DROSHA: variants seen among roughly 807,000 people sequenced by gnomAD.
The protein encoded by DROSHA is drosha ribonuclease III, also known as ribonuclease 3.
In DROSHA, 56 loss-of-function variants were observed where a neutral mutation model predicts 181.9. The observed-to-expected ratio is 0.31, with a 90% CI of 0.25 to 0.38. The LOEUF (loss-of-function observed/expected upper bound fraction) is 0.38. Ranked by LOEUF, DROSHA falls within the 10% of genes least tolerant of loss-of-function variation. DROSHA has a pLI of 1.00. For missense variants in DROSHA, 1,218 were observed against 1,743.5 expected (o/e 0.70, Z 5.37); for synonymous variants, 524 against 591.2 (o/e 0.89, Z 1.65).
At chr5:31,441,448 A>G (rs1187488695) in intron 23 of DROSHA, among the ~76,000 whole-genome samples, 1 of 152,150 alleles carries the variant, frequency 6.6e-6, no homozygotes, top group Non-Finnish European at 1.5e-5. Flanking sequence ...AACTTTTCTT[A>G]TTTTTACCAA....
At chr5:31,424,671 C>G (rs912013546) in intron 27 of DROSHA, among the ~76,000 whole-genome samples, 200 bp from the exon 28 acceptor site, 8 of 152,080 alleles carry the variant, frequency 5.3e-5, no homozygotes, top group Non-Finnish European at 8.8e-5. Flanking sequence ...TCTAATTAGC[C>G]TATTAAGCTA....
At chr5:31,486,351 A>C in intron 14 of DROSHA, 140 bp downstream of exon 14, 2 of 772,292 alleles carry the variant, frequency 2.6e-6, no homozygotes. Flanking sequence ...CATTTCACTG[A>C]CTCTTTCAAC....
chr5:31,436,797 CT>C, intron 24 of DROSHA, among the ~76,000 whole-genome samples: 1 of 126,542 alleles, frequency 7.9e-6, no homozygotes, highest in South Asian at 2.7e-4. Context: ...CACACACACA[CT>C]AGAAAATCTG....
At chr5:31,521,510 A>C (rs529108870) in intron 5 of DROSHA, among the ~76,000 whole-genome samples, 1 of 152,354 alleles carries the variant, frequency 6.6e-6, no homozygotes, top group South Asian at 2.1e-4. Context: ...CCTTGCAATC[A>C]GCCAATCCTT....
In DROSHA at chr5:31,526,340, T is replaced by A; in HGVS notation, c.593A>T (p.Asn198Ile). ...NPSSFLPSAN[N>I]SSSPHFRHLP... ...ATGTCTGAAATGAGGACTACTGCTG[T>A]TATTAGCACTGGGCAGGAAAGAACT... Residue 198 changes from asparagine to isoleucine, a missense_variant, in exon 5 of 36, where the codon AAC becomes ATC. Asn to Ile is a moderately radical substitution (Grantham distance 149). This residue lies in a region of DROSHA where 536 missense variants were observed against 535.4 expected (regional missense o/e 1.00). Coordinates refer to ENST00000344624, the MANE Select transcript of DROSHA (RefSeq NM_001382508.1). 6.2e-7 allele frequency: 1 copy of A among 1,613,798 alleles called. No individual in the cohort carries two copies. The highest frequency in any genetic ancestry group is 8.5e-7 in the Non-Finnish European group (1 of 1,179,838).
intron 35 of DROSHA, among the ~76,000 whole-genome samples, chr5:31,402,560 C>T (rs981178174): frequency 6.6e-6 from 1 of 152,142 alleles, no homozygotes; most frequent in African/African-American, 2.4e-5. Flanking sequence ...AAAATATAGT[C>T]TATATAATGT....
intron 5 of DROSHA, among the ~76,000 whole-genome samples, chr5:31,522,490 T>G (rs1239108330): frequency 2.0e-5 from 3 of 152,186 alleles, no homozygotes; most frequent in Non-Finnish European, 2.9e-5. Context: ...AATTTTGCAT[T>G]TAAGAATAAC....
Position 31,400,840 on chromosome 5 carries a change from A to G in DROSHA, c.*592T>C, listed in dbSNP as rs1021117597. 6.5e-6 allele frequency: 1 copy of G among 154,788 alleles called. No individual in the cohort carries two copies. Among genetic ancestry groups the G allele is most frequent in the African/African-American group, 2.4e-5 (1 of 41,484 alleles). The allele number at this position is 154,788 out of a possible 1,614,324, so 9.6% of individuals were successfully genotyped here. On this transcript the variant is annotated 3_prime_UTR_variant, in exon 36 of 36. Coordinates refer to ENST00000344624, the MANE Select transcript of DROSHA (RefSeq NM_001382508.1). Reference sequence around the variant, plus strand: ...ATTTCTCTCCTATTCTAATGATTCAAAGAATCTGTATGACTTGAATATCAG... The same window carrying G: ...ATTTCTCTCCTATTCTAATGATTCAGAGAATCTGTATGACTTGAATATCAG...
chr5:31,485,790 A>G (rs1427652162), intron 14 of DROSHA, among the ~76,000 whole-genome samples: 1 of 152,138 alleles, frequency 6.6e-6, no homozygotes, highest in Non-Finnish European at 1.5e-5. Flanking sequence ...TTCCCCCTCC[A>G]CACTCCCTGC....
intron 12 of DROSHA, among the ~76,000 whole-genome samples, chr5:31,494,479 G>A (rs951383653): frequency 6.6e-6 from 1 of 151,770 alleles, no homozygotes; most frequent in Non-Finnish European, 1.5e-5. Context: ...CACAAAGATG[G>A]TCTAAATTAA....
chr5:31,453,607 C>T (rs1293397401), intron 20 of DROSHA, among the ~76,000 whole-genome samples: 1 of 152,190 alleles, frequency 6.6e-6, no homozygotes, highest in Non-Finnish European at 1.5e-5. Context: ...GGCAGGCTTT[C>T]CACATCTTGT....
At chr5:31,466,674 T>A (rs757252240) in intron 18 of DROSHA, among the ~76,000 whole-genome samples, 12 of 152,152 alleles carry the variant, frequency 7.9e-5, no homozygotes, top group Non-Finnish European at 1.6e-4. Flanking sequence ...AAAGACCCCT[T>A]CCTTAGGGAG....
chr5:31,511,308 A>G (rs896325768), intron 8 of DROSHA, 132 bp from the exon 9 acceptor site: 17 of 872,892 alleles, frequency 1.9e-5, no homozygotes, highest in Non-Finnish European at 2.9e-5. Context: ...TTTAACAAAC[A>G]TTTAAAAACA....
chr5:31,439,246 T>C (rs1165397369), intron 23 of DROSHA, among the ~76,000 whole-genome samples: 1 of 152,232 alleles, frequency 6.6e-6, no homozygotes. Context: ...TCATAAGTTT[T>C]AAATTGCATG....
intron 23 of DROSHA, among the ~76,000 whole-genome samples, chr5:31,438,977 C>A (rs1745217146): frequency 6.6e-6 from 1 of 152,058 alleles, no homozygotes. Flanking sequence ...GTAAGCCATG[C>A]CCAATGTTGC....
chr5:31,527,006 G>A, intron 4 of DROSHA, 94 bp from the exon 5 acceptor site: 1 of 1,159,632 alleles, frequency 8.6e-7, no homozygotes, highest in South Asian at 1.6e-5. Flanking sequence ...ATCTTGATGA[G>A]CAACTCAAAG....
intron 10 of DROSHA, among the ~76,000 whole-genome samples, chr5:31,506,973 G>A (rs188111190): frequency 2.6e-5 from 4 of 152,118 alleles, no homozygotes; most frequent in Admixed American, 1.3e-4. Flanking sequence ...GGTATCCACG[G>A]AAATCAGTGT....
intron 22 of DROSHA, 135 bp downstream of exon 22, chr5:31,449,146 A>ACAAAAC: frequency 7.9e-7 from 1 of 1,263,828 alleles, no homozygotes. Context: ...AAAAAAAAAA[A>ACAAAAC]AAAGAGTCAG....
chr5:31,526,572 G>C lies in DROSHA; in HGVS notation c.361C>G (p.Pro121Ala). 3.9e-6 allele frequency: 6 copies of C among 1,528,418 alleles called. No individual in the cohort carries two copies. The highest frequency in any genetic ancestry group is 5.3e-6 in the Non-Finnish European group (6 of 1,140,254). 94.7% of individuals were successfully genotyped at this position (1,528,418 alleles called of 1,614,324 possible). Residue 121 changes from proline to alanine, a missense_variant, in exon 5 of 36, where the codon CCA becomes GCA. Coordinates refer to ENST00000344624, the MANE Select transcript of DROSHA (RefSeq NM_001382508.1). ...TTATTAGGACAAGGCATTGGTGGTG[G>C]CATGGGAGGAAAACAAGGAGGAACT... ...FPVPPCFPPM[P>A]PPMPCPNNPP...
Sources: allele counts gnomAD v4.1 joint callset (sites outside exome capture counted in the v4.1 genomes callset), GRCh38; gene constraint gnomAD v4.1.1; regional missense constraint gnomAD v4.1.1; transcripts MANE v1.5; gene names NCBI Gene and HGNC (gene_info 2026-07-23, HGNC 2026-07-21).